The following FLVCR2 variants were observed in gnomAD, a reference collection of about 807,000 sequenced individuals.
FLVCR2 encodes the protein FLVCR choline and putative heme transporter 2.
FLVCR2 carries 38 observed loss-of-function variants against 48.9 expected under a neutral mutation model. The ratio of observed to expected loss-of-function variants is 0.78; its 90% CI spans 0.60 to 1.02. The LOEUF (loss-of-function observed/expected upper bound fraction) is 1.02. Among genes scored for constraint, FLVCR2 ranks in the 50% least tolerant of loss-of-function variants. The pLI is 0.00. For synonymous variants in FLVCR2, 255 were observed against 257.0 expected, an observed-to-expected ratio of 0.99 and a Z score of 0.07; for missense variants, 664 against 663.3, an observed-to-expected ratio of 1.00 and a Z score of -0.01.
Position 75,601,030 on chromosome 14 carries a change from G to A in FLVCR2, c.670-21049G>A, listed in dbSNP as rs551104392. Among the ~76,000 whole-genome samples the A allele has an allele frequency of 2.3e-4, 35 of 152,360 alleles. No homozygotes were observed. The East Asian group carries it at 6.5e-3, about 29-fold the overall frequency. On this transcript the variant is annotated intron_variant, in intron 1 of 9. Coordinates refer to ENST00000238667, the MANE Select transcript of FLVCR2 (RefSeq NM_017791.3). ...ACAGAAATATAGAGGTGTGAAGTGG[G>A]AAATCAGGGGTCTCACAGCATTCAG...
intron 1 of FLVCR2, chr14:75,596,344 T>G (rs1889021134): frequency 5.6e-6 from 2 of 356,574 alleles, no homozygotes; most frequent in Non-Finnish European, 1.0e-5. Context: ...GTAGACGGGG[T>G]AGGTCTGAGA....
At chr14:75,596,192 T>A (rs1889016250) in intron 1 of FLVCR2, 1 of 717,074 alleles carries the variant, frequency 1.4e-6, no homozygotes, top group African/African-American at 1.7e-5. Flanking sequence ...TGTGGATAGT[T>A]ACTGTGTCGT....
At chr14:75,582,584 T>C (rs1888637898) in intron 1 of FLVCR2, among the ~76,000 whole-genome samples, 1 of 152,120 alleles carries the variant, frequency 6.6e-6, no homozygotes, top group Non-Finnish European at 1.5e-5. Context: ...AAGGTCAAGT[T>C]GTTTGGACAG....
intron 1 of FLVCR2, among the ~76,000 whole-genome samples, chr14:75,598,353 C>T (rs1399160551): frequency 1.3e-5 from 2 of 152,184 alleles, no homozygotes; most frequent in East Asian, 3.8e-4. Flanking sequence ...GCATATGCTC[C>T]ACATCTTTTG....
At chr14:75,620,569 TTTTTG>T (rs1239385434) in intron 1 of FLVCR2, among the ~76,000 whole-genome samples, 1 of 152,256 alleles carries the variant, frequency 6.6e-6, no homozygotes, top group Non-Finnish European at 1.5e-5. Context: ...ATCTGTTGTA[TTTTTG>T]TTTTAACATT....
At chr14:75,594,753 C>G (rs1330728121) in intron 1 of FLVCR2, among the ~76,000 whole-genome samples, 3 of 151,330 alleles carry the variant, frequency 2.0e-5, no homozygotes, top group Non-Finnish European at 4.4e-5. Flanking sequence ...CAAGGTCTCA[C>G]TCTGTCACCA....
chr14:75,586,184 C>T lies in FLVCR2; in HGVS notation c.669+6543C>T, dbSNP rs1420246405. ...ATCCGAAAAAGGAGTCAGCAAAGGGCGGGAATTATCATTAATTCTTACAGG... is the reference window on the plus strand; with the variant it reads ...ATCCGAAAAAGGAGTCAGCAAAGGGTGGGAATTATCATTAATTCTTACAGG... On this transcript the variant is annotated intron_variant, in intron 1 of 9. Transcript: ENST00000238667. Among the ~76,000 whole-genome samples, 10 of 152,134 alleles carry T rather than the reference C, an allele frequency of 6.6e-5. 2 individuals are homozygous for T. In the South Asian group the frequency reaches 1.7e-3, roughly 25 times the overall value.
intron 1 of FLVCR2, 87 bp downstream of exon 1, chr14:75,579,728 T>G (rs1888548011): frequency 7.1e-7 from 1 of 1,414,922 alleles, no homozygotes; most frequent in Admixed American, 1.8e-5. Context: ...ATTTGCTGAT[T>G]GTCCAACAGT....
intron 1 of FLVCR2, chr14:75,605,801 C>T (rs370240449): frequency 4.4e-5 from 27 of 620,016 alleles, no homozygotes; most frequent in African/African-American, 2.9e-4. Flanking sequence ...CTGCCAGCTC[C>T]GGAAAAGAGG....
chr14:75,640,763 T>A, intron 6 of FLVCR2, 192 bp from the exon 7 acceptor site: 1 of 631,058 alleles, frequency 1.6e-6, no homozygotes, highest in Non-Finnish European at 2.9e-6. Context: ...CCTGTGAACT[T>A]CTTCCTGGCC....
chr14:75,596,535 T>C (rs1889026257), intron 1 of FLVCR2, among the ~76,000 whole-genome samples: 1 of 152,168 alleles, frequency 6.6e-6, no homozygotes, highest in Non-Finnish European at 1.5e-5. Context: ...GACTCGGTGG[T>C]GTCAGATCTG....
chr14:75,596,782 C>CG (rs1261929161), intron 1 of FLVCR2, among the ~76,000 whole-genome samples: 17 of 78,244 alleles, frequency 2.2e-4, no homozygotes, highest in African/African-American at 9.5e-4. Flanking sequence ...CCTCTTTTGC[C>CG]CCCCCCCCCC....
At chr14:75,644,660 G>C (rs1173786323) in intron 9 of FLVCR2, among the ~76,000 whole-genome samples, 1 of 152,104 alleles carries the variant, frequency 6.6e-6, no homozygotes, top group Non-Finnish European at 1.5e-5. Context: ...GTCATGCTGG[G>C]ACTGACACCA....
intron 1 of FLVCR2, among the ~76,000 whole-genome samples, chr14:75,582,244 G>A (rs1888628771): frequency 1.3e-5 from 2 of 152,302 alleles, no homozygotes; most frequent in Admixed American, 1.3e-4. Context: ...AATGATGGAG[G>A]ACCCTTGCAT....
intron 2 of FLVCR2, among the ~76,000 whole-genome samples, chr14:75,622,552 A>G (rs930393489): frequency 6.6e-6 from 1 of 152,200 alleles, no homozygotes; most frequent in African/African-American, 2.4e-5. Flanking sequence ...CACTGTACTG[A>G]GCATGCCTGA....
chr14:75,606,776 A>G (rs1464694038), intron 1 of FLVCR2, among the ~76,000 whole-genome samples: 1 of 151,228 alleles, frequency 6.6e-6, no homozygotes, highest in East Asian at 1.9e-4. Flanking sequence ...ACATGGAAAA[A>G]CCCCGTCTTT....
At chr14:75,640,486 C>A (rs1380862323) in intron 6 of FLVCR2, among the ~76,000 whole-genome samples, 1 of 151,990 alleles carries the variant, frequency 6.6e-6, no homozygotes, top group Non-Finnish European at 1.5e-5. Flanking sequence ...TGCTGGCACT[C>A]AGTCCTCAGC....
intron 6 of FLVCR2, among the ~76,000 whole-genome samples, chr14:75,640,258 CAAAAAAAAAA>C (rs11453901): frequency 1.0e-5 from 1 of 97,638 alleles, no homozygotes; most frequent in Admixed American, 1.1e-4. Flanking sequence ...GACTCCGTCT[CAAAAAAAAAA>C]AAAAAAAAAG....
chr14:75,598,623 G>A (rs974938524), intron 1 of FLVCR2, among the ~76,000 whole-genome samples: 1 of 152,116 alleles, frequency 6.6e-6, no homozygotes, highest in Admixed American at 6.5e-5. Flanking sequence ...CTACAGGTAT[G>A]TGCCACCATG....
Sources: gnomAD v4.1 joint callset for allele counts (sites outside exome capture counted in the v4.1 genomes callset) on GRCh38, gnomAD v4.1.1 for gene constraint, MANE v1.5 for transcripts, NCBI Gene and HGNC (gene_info 2026-07-23, HGNC 2026-07-21) for gene names.